Variants in IGF2BP3 observed in about 807,000 individuals in gnomAD.
IGF2BP3 encodes the protein insulin like growth factor 2 mRNA binding protein 3.
A neutral mutation model predicts 73.8 loss-of-function variants in IGF2BP3; 9 were observed. That is an observed-to-expected ratio of 0.12 (90% CI 0.07 to 0.21). The LOEUF (loss-of-function observed/expected upper bound fraction) is 0.21. IGF2BP3 is among the 10% of genes least tolerant of loss of function. The pLI, the probability that IGF2BP3 is intolerant of heterozygous loss-of-function variation, is 1.00. For synonymous variants in IGF2BP3, 258 were observed against 256.7 expected, an observed-to-expected ratio of 1.01 and a Z score of -0.05; for missense variants, 542 against 714.0, an observed-to-expected ratio of 0.76 and a Z score of 2.75.
intron 10 of IGF2BP3, among the ~76,000 whole-genome samples, chr7:23,338,107 A>G (rs775755393): frequency 2.0e-5 from 3 of 152,176 alleles, no homozygotes; most frequent in Non-Finnish European, 2.9e-5. Flanking sequence ...GTAAAAACAG[A>G]CATAACGGCA....
chr7:23,438,573 C>A (rs1269126450), intron 2 of IGF2BP3, among the ~76,000 whole-genome samples: 1 of 152,164 alleles, frequency 6.6e-6, no homozygotes, highest in Non-Finnish European at 1.5e-5. Context: ...TCAAGAAGTT[C>A]CCTTTGACCA....
chr7:23,329,832 C>G (rs1784398924), intron 10 of IGF2BP3, among the ~76,000 whole-genome samples: 1 of 152,294 alleles, frequency 6.6e-6, no homozygotes, highest in African/African-American at 2.4e-5. Context: ...ACAACATTCT[C>G]ATTTTAGAAT....
At chr7:23,402,390 T>C (rs1374310397) in intron 3 of IGF2BP3, 1 of 152,200 alleles carries the variant, frequency 6.6e-6, no homozygotes, top group African/African-American at 2.4e-5. Context: ...AATTTTATCA[T>C]GGATAAAAAG....
intron 3 of IGF2BP3, among the ~76,000 whole-genome samples, chr7:23,378,551 C>G (rs564210328): frequency 6.9e-6 from 1 of 145,044 alleles, no homozygotes; most frequent in South Asian, 2.2e-4. Flanking sequence ...CACCACCATG[C>G]CAGGCTAATT....
intron 12 of IGF2BP3, among the ~76,000 whole-genome samples, chr7:23,313,988 C>T (rs1432952397): frequency 6.6e-6 from 1 of 152,118 alleles, no homozygotes; most frequent in Non-Finnish European, 1.5e-5. Context: ...ATAGGTAAAA[C>T]TTCTCATGCT....
intron 3 of IGF2BP3, among the ~76,000 whole-genome samples, chr7:23,408,478 G>GA (rs952637812): frequency 1.3e-4 from 20 of 150,536 alleles, no homozygotes; most frequent in South Asian, 8.4e-4. Context: ...CTACTATTTA[G>GA]AAAAAAAAAC....
intron 3 of IGF2BP3, among the ~76,000 whole-genome samples, chr7:23,391,988 GTTA>G (rs558354565): frequency 7.6e-4 from 116 of 152,296 alleles, no homozygotes; most frequent in African/African-American, 2.6e-3. Context: ...CCCAGCAAGT[GTTA>G]TTAATAGCTC....
intron 10 of IGF2BP3, among the ~76,000 whole-genome samples, chr7:23,337,174 T>C (rs765250514): frequency 4.6e-5 from 7 of 151,256 alleles, no homozygotes; most frequent in Non-Finnish European, 7.4e-5. Flanking sequence ...CCCCACCCCC[T>C]GCAACTTGAA....
In IGF2BP3 at chr7:23,366,827, T is replaced by C. The variant is rs577006027; in HGVS notation, c.286-5086A>G. On this transcript the variant is annotated intron_variant, in intron 3 of 14. Coordinates refer to ENST00000258729, the MANE Select transcript of IGF2BP3 (RefSeq NM_006547.3). ...CTCAAAAGGATTTCCAACCCCCAAA[T>C]GACTTGAACTGTACTATAGTAATCC... Among the ~76,000 whole-genome samples the C allele has an allele frequency of 2.0e-5, 3 of 152,210 alleles. No homozygotes were observed. In the East Asian group the frequency reaches 5.8e-4, roughly 29 times the overall value.
chr7:23,421,366 A>C (rs202148189), intron 2 of IGF2BP3, among the ~76,000 whole-genome samples: 1 of 151,904 alleles, frequency 6.6e-6, no homozygotes, highest in African/African-American at 2.4e-5. Flanking sequence ...TATAATTCAT[A>C]GATTTCACAA....
intron 2 of IGF2BP3, among the ~76,000 whole-genome samples, chr7:23,442,670 T>A (rs1391619791): frequency 6.6e-6 from 1 of 152,190 alleles, no homozygotes. Flanking sequence ...AGGGCTGGGA[T>A]TACAGGCTTG....
At chr7:23,361,404 A>G in intron 5 of IGF2BP3, 130 bp downstream of exon 5, 1 of 663,596 alleles carries the variant, frequency 1.5e-6, no homozygotes. Context: ...GCACGATTAC[A>G]GGGTCAAATT....
At chr7:23,439,278 C>T (rs1297290485) in intron 2 of IGF2BP3, among the ~76,000 whole-genome samples, 1 of 151,944 alleles carries the variant, frequency 6.6e-6, no homozygotes, top group Admixed American at 6.6e-5. Context: ...TTTGGCCGGG[C>T]ACGGTGGCTC....
At chr7:23,329,034 C>T (rs1784376232) in intron 10 of IGF2BP3, among the ~76,000 whole-genome samples, 1 of 152,004 alleles carries the variant, frequency 6.6e-6, no homozygotes, top group Non-Finnish European at 1.5e-5. Context: ...ACCGTGAAAC[C>T]CCGTCTCTGC....
intron 2 of IGF2BP3, among the ~76,000 whole-genome samples, chr7:23,462,077 A>G (rs571663400): frequency 2.0e-5 from 3 of 152,390 alleles, no homozygotes; most frequent in East Asian, 1.9e-4. Flanking sequence ...ACGGCCAGTT[A>G]CATCAGCAAA....
intron 10 of IGF2BP3, among the ~76,000 whole-genome samples, chr7:23,322,464 C>A (rs1213639829): frequency 6.6e-6 from 1 of 151,980 alleles, no homozygotes; most frequent in African/African-American, 2.4e-5. Context: ...CTGAAAGTGA[C>A]GGGGAGAATG....
chr7:23,372,492 C>T (rs959650934), intron 3 of IGF2BP3, among the ~76,000 whole-genome samples: 5 of 152,152 alleles, frequency 3.3e-5, no homozygotes, highest in South Asian at 4.1e-4. Context: ...CCCTTTCCGC[C>T]GAGTACCCAA....
At chr7:23,362,423 G>A (rs897615651) in intron 3 of IGF2BP3, 3 of 152,166 alleles carry the variant, frequency 2.0e-5, no homozygotes, top group African/African-American at 4.8e-5. Context: ...GGAATTTAAA[G>A]CCCAACATAA....
At chr7:23,367,943 T>A (rs1225313533) in intron 3 of IGF2BP3, among the ~76,000 whole-genome samples, 3 of 151,950 alleles carry the variant, frequency 2.0e-5, no homozygotes, top group Non-Finnish European at 4.4e-5. Flanking sequence ...GAGGTTGCAG[T>A]GAGCTGAGAT....
Sources: allele counts gnomAD v4.1 joint callset (sites outside exome capture counted in the v4.1 genomes callset), GRCh38; gene constraint gnomAD v4.1.1; transcripts MANE v1.5; gene names NCBI Gene and HGNC (gene_info 2026-07-23, HGNC 2026-07-21).